The following MELK variants were observed in gnomAD, a reference collection of about 807,000 sequenced individuals.
MELK encodes pEg3 kinase.
MELK carries 81 observed loss-of-function variants against 85.0 expected under a neutral mutation model. The ratio of observed to expected loss-of-function variants is 0.95; its 90% CI spans 0.80 to 1.15. The LOEUF (loss-of-function observed/expected upper bound fraction) is 1.15. Among genes scored for constraint, MELK ranks in the 50% most tolerant of loss-of-function variants. The pLI is 0.00. For missense variants in MELK, 754 were observed against 777.5 expected (o/e 0.97, Z 0.36); for synonymous variants, 252 against 265.0 (o/e 0.95, Z 0.48).
chr9:36,613,346 G>A (rs1357166064), intron 8 of MELK, among the ~76,000 whole-genome samples: 5 of 152,210 alleles, frequency 3.3e-5, no homozygotes. Context: ...CCTTAGGGAG[G>A]AGTAAAATAG....
chr9:36,596,209 T>C (rs1003654240), intron 5 of MELK, among the ~76,000 whole-genome samples: 1 of 152,238 alleles, frequency 6.6e-6, no homozygotes, highest in Non-Finnish European at 1.5e-5. Flanking sequence ...TTGTGTTTGC[T>C]TGTAGTTGAC....
rs1441233492 is a variant in MELK, at chr9:36,615,025, C to T, written c.666+7352C>T. Among the ~76,000 whole-genome samples, 8 of 146,778 alleles carry T rather than the reference C, an allele frequency of 5.5e-5. No individual in the cohort carries two copies. The South Asian group carries it at 6.7e-4, about 12-fold the overall frequency. On this transcript the variant is annotated intron_variant, in intron 8 of 17. Coordinates refer to ENST00000298048, the MANE Select transcript of MELK (RefSeq NM_014791.4). ...CCCAGTAGGGGCGGCCGGGCAGAGGCGCCCCTCACCTCCCGGACGGGGCAG... is the reference window on the plus strand; with the variant it reads ...CCCAGTAGGGGCGGCCGGGCAGAGGTGCCCCTCACCTCCCGGACGGGGCAG...
intron 11 of MELK, among the ~76,000 whole-genome samples, chr9:36,649,673 G>A (rs1830521052): frequency 6.6e-6 from 1 of 152,038 alleles, no homozygotes; most frequent in South Asian, 2.1e-4. Flanking sequence ...GGACCCTGAG[G>A]CGAGAGGATT....
intron 9 of MELK, among the ~76,000 whole-genome samples, chr9:36,631,403 T>C (rs956800265): frequency 6.6e-6 from 1 of 151,782 alleles, no homozygotes; most frequent in Admixed American, 6.6e-5. Context: ...GTAGCTGGGA[T>C]TACAGGCATG....
intron 3 of MELK, 129 bp from the exon 4 acceptor site, chr9:36,589,407 C>A: frequency 7.4e-6 from 5 of 674,518 alleles, no homozygotes; most frequent in African/African-American, 3.6e-5. Context: ...CTCGGCCTCC[C>A]AAAGTGCGGG....
At chr9:36,627,602 CT>C (rs1828070987) in intron 8 of MELK, among the ~76,000 whole-genome samples, 1 of 150,310 alleles carries the variant, frequency 6.7e-6, no homozygotes, top group Non-Finnish European at 1.5e-5. Flanking sequence ...TCTCGGCTCA[CT>C]GCAACCTCTG....
chr9:36,601,610 T>C (rs1824932557), intron 7 of MELK, among the ~76,000 whole-genome samples: 1 of 152,222 alleles, frequency 6.6e-6, no homozygotes, highest in South Asian at 2.1e-4. Flanking sequence ...TCTTAACTGT[T>C]TTAAAATGTA....
At chr9:36,606,652 CATATGTATATGTATATATGGACATAT>C (rs1564152196) in intron 7 of MELK, among the ~76,000 whole-genome samples, 2 of 145,484 alleles carry the variant, frequency 1.4e-5, no homozygotes, top group African/African-American at 2.5e-5. Flanking sequence ...TATATGGACA[CATATGTATATGTATATATGGACATAT>C]ATATGTATAC....
At chr9:36,672,737 AC>A (rs1292312377) in intron 16 of MELK, among the ~76,000 whole-genome samples, 1 of 152,212 alleles carries the variant, frequency 6.6e-6, no homozygotes, top group Non-Finnish European at 1.5e-5. Context: ...ACAAGACTCT[AC>A]ATATGGGATG....
intron 8 of MELK, among the ~76,000 whole-genome samples, chr9:36,619,365 G>A (rs1827176703): frequency 6.6e-6 from 1 of 152,172 alleles, no homozygotes; most frequent in Non-Finnish European, 1.5e-5. Flanking sequence ...ATTACTTGAA[G>A]TTATGGGTAT....
intron 15 of MELK, among the ~76,000 whole-genome samples, chr9:36,670,339 A>C (rs1374403651): frequency 1.3e-5 from 2 of 152,184 alleles, no homozygotes; most frequent in Non-Finnish European, 2.9e-5. Flanking sequence ...AAATTTCAGA[A>C]CAAAAGGATA....
intron 14 of MELK, among the ~76,000 whole-genome samples, chr9:36,668,821 C>T (rs767316858): frequency 6.6e-6 from 1 of 152,172 alleles, no homozygotes; most frequent in Non-Finnish European, 1.5e-5. Context: ...CCAAAGCTTA[C>T]ATCTCTTTAA....
intron 8 of MELK, among the ~76,000 whole-genome samples, chr9:36,610,478 A>G (rs1423388686): frequency 6.6e-6 from 1 of 152,216 alleles, no homozygotes; most frequent in African/African-American, 2.4e-5. Flanking sequence ...GTAGCTATTA[A>G]CACCGCTTTG....
Position 36,614,422 on chromosome 9 carries a change from T to TG in MELK, c.666+6752dup, listed in dbSNP as rs1826346074. Among the ~76,000 whole-genome samples the TG allele has an allele frequency of 1.0e-4, 7 of 70,054 alleles. No homozygotes were observed. The South Asian group carries it at 2.5e-3, about 25-fold the overall frequency. The allele number at this position is 70,054 out of a possible 152,430, so 46.0% of individuals were successfully genotyped here. A position where few individuals can be genotyped will look rare whatever the true frequency, so the allele number is the denominator to read the frequency against. Reference sequence around the variant, plus strand: ...GATGTCTTTTTTAAAAAATTATTTTTGGGTTTTTTTTTTTTTTTTTTAATT... The same window carrying TG: ...GATGTCTTTTTTAAAAAATTATTTTTGGGGTTTTTTTTTTTTTTTTTTAATT... On this transcript the variant is annotated intron_variant, in intron 8 of 17. Coordinates refer to ENST00000298048, the MANE Select transcript of MELK (RefSeq NM_014791.4).
chr9:36,613,756 A>G (rs2135991495), intron 8 of MELK, among the ~76,000 whole-genome samples: 1 of 152,290 alleles, frequency 6.6e-6, no homozygotes. Flanking sequence ...AGGTAGGAAC[A>G]TGCCTGGTGT....
At chr9:36,612,441 A>G (rs1191184131) in intron 8 of MELK, among the ~76,000 whole-genome samples, 2 of 152,116 alleles carry the variant, frequency 1.3e-5, no homozygotes, top group African/African-American at 4.8e-5. Flanking sequence ...GCTGGAGTGC[A>G]GTGGCGCCAT....
chr9:36,665,627 C>A, intron 14 of MELK, 46 bp downstream of exon 14: 1 of 1,445,362 alleles, frequency 6.9e-7, no homozygotes, highest in Non-Finnish European at 9.5e-7. Flanking sequence ...ATTTTTCTTA[C>A]CATGTTAAGT....
At chr9:36,588,718 G>A (rs941907602) in intron 3 of MELK, among the ~76,000 whole-genome samples, 6 of 152,060 alleles carry the variant, frequency 3.9e-5, no homozygotes, top group Admixed American at 3.3e-4. Context: ...CTTGTTACTT[G>A]ATGATATCTC....
intron 8 of MELK, among the ~76,000 whole-genome samples, chr9:36,619,159 A>G (rs1375614439): frequency 6.6e-6 from 1 of 152,086 alleles, no homozygotes; most frequent in Non-Finnish European, 1.5e-5. Flanking sequence ...GTGTTTCACC[A>G]TGTTGGTCAG....
Sources: allele counts gnomAD v4.1 joint callset (sites outside exome capture counted in the v4.1 genomes callset), GRCh38; gene constraint gnomAD v4.1.1; transcripts MANE v1.5; gene names NCBI Gene and HGNC (gene_info 2026-07-23, HGNC 2026-07-21).